Variants in UBR1 observed in about 807,000 individuals in gnomAD.
UBR1 encodes the protein ubiquitin protein ligase E3 component n-recognin 1, also known as E3 ubiquitin-protein ligase UBR1.
UBR1 carries 102 observed loss-of-function variants against 242.1 expected under a neutral mutation model. That is an observed-to-expected ratio of 0.42 (90% confidence interval 0.36 to 0.50). The LOEUF (loss-of-function observed/expected upper bound fraction) is 0.50. UBR1 is among the 20% of genes least tolerant of loss of function. The pLI is 0.01. For missense variants in UBR1, 1,772 were observed against 2,101.8 expected (o/e 0.84, Z 3.07); for synonymous variants, 675 against 684.8 (o/e 0.99, Z 0.22).
intron 1 of UBR1, 136 bp downstream of exon 1, chr15:43,105,806 G>T: frequency 1.3e-6 from 1 of 794,342 alleles, no homozygotes; most frequent in Non-Finnish European, 2.1e-6. Context: ...CTTTTTATTC[G>T]GTGGCTTCCT....
chr15:43,007,215 C>A lies in UBR1; in HGVS notation c.3279G>T (p.Lys1093Asn). Residue 1093 changes from lysine (K) to asparagine (N), a missense_variant, in exon 30 of 47, where the codon AAG (lysine) becomes AAT (asparagine). Around this residue, in one of 3 missense-constraint regions of UBR1, gnomAD observed 965 missense variants for 1,079.7 expected, o/e 0.89. Transcript: ENST00000290650. ...GPKRGPSVTEKEVLTCILCQE... is the reference protein window; with the variant it reads ...GPKRGPSVTENEVLTCILCQE... ...GGCAAAGGATGCACGTCAGCACCTC[C>A]TTTTCAGTAACAGATGGACCCCGTT... is the stretch of plus-strand genomic sequence containing the variant. 6.2e-7 allele frequency: 1 copy of A among 1,614,120 alleles called. No homozygotes were observed. Among genetic ancestry groups the A allele is most frequent in the South Asian group, 1.1e-5 (1 of 91,074 alleles).
Position 42,990,038 on chromosome 15 carries a change from A to G in UBR1, c.3840T>C (p.Val1280=), listed in dbSNP as rs372354876. Residue 1280 remains valine (V), a synonymous_variant, in exon 34 of 47, where the codon GTT becomes GTC. Coordinates refer to ENST00000290650, the MANE Select transcript of UBR1 (RefSeq NM_174916.3). The part of the protein sequence containing the change: ...LEFHSILSFG[V]ESSIKYSNSI... ...ACTATTTAGATACTTACGAAGACTC[A>G]ACGCCAAAACTCAGGATGGAATGGA... The G allele has an allele frequency of 6.2e-7, 1 of 1,608,294 alleles. No homozygotes were observed. The highest frequency in any genetic ancestry group is 8.5e-7 in the Non-Finnish European group (1 of 1,176,546).
rs757597878 is a variant in UBR1 at position 43,102,835 on chromosome 15, CTGTG to C, written c.81+3103_81+3106del. Among the ~76,000 whole-genome samples, 7 of 152,202 alleles carry C rather than the reference CTGTG, an allele frequency of 4.6e-5. No homozygotes were observed. In the East Asian group the frequency reaches 1.2e-3, roughly 25 times the overall value. The stretch of plus-strand genomic sequence containing the variant: ...CATCTCTGTCTCACTCTCTTTTCCT[CTGTG>C]TGTGTGTATATATATGCACACATTT... On this transcript the variant is annotated intron_variant, in intron 1 of 46. Coordinates refer to ENST00000290650, the MANE Select transcript of UBR1 (RefSeq NM_174916.3).
intron 33 of UBR1, among the ~76,000 whole-genome samples, chr15:42,991,605 GA>G (rs201277141): frequency 3.4e-5 from 5 of 148,376 alleles, no homozygotes; most frequent in South Asian, 2.1e-4. Flanking sequence ...ATGTCAGGTT[GA>G]AAAAAAAAAT....
chr15:42,997,215 C>T (rs998546911), intron 33 of UBR1, among the ~76,000 whole-genome samples: 1 of 152,190 alleles, frequency 6.6e-6, no homozygotes, highest in Non-Finnish European at 1.5e-5. Context: ...CTAGGTTGCC[C>T]ACTCCTTATG....
chr15:42,959,770 C>T (rs2031983641), intron 43 of UBR1, among the ~76,000 whole-genome samples: 1 of 152,190 alleles, frequency 6.6e-6, no homozygotes, highest in Non-Finnish European at 1.5e-5. Context: ...GATCTATTAT[C>T]ACTAAATCTC....
chr15:43,088,535 A>G (rs929558140), intron 1 of UBR1, among the ~76,000 whole-genome samples: 1 of 151,314 alleles, frequency 6.6e-6, no homozygotes, highest in Non-Finnish European at 1.5e-5. Flanking sequence ...CGCTCTTGTC[A>G]TCCAGGCTGG....
At position 43,048,434 on chromosome 15, in the gene UBR1, A is replaced by C. The variant is rs761714232; in HGVS notation, c.1497T>G (p.Leu499=). 1.9e-6 allele frequency: 3 copies of C among 1,613,802 alleles called. No homozygotes were observed. In the Admixed American group the frequency reaches 5.0e-5, roughly 27 times the overall value. The change falls in exon 13 of 47, where the codon CTT becomes CTG. Residue 499 remains leucine, a synonymous_variant. Transcript: ENST00000290650. ...TCTTCAAAAAAGATCGAAAACCTTCAAGGAACTGCATTCTTAATCTTTCTG... is the reference window on the plus strand; with the variant it reads ...TCTTCAAAAAAGATCGAAAACCTTCCAGGAACTGCATTCTTAATCTTTCTG... ...IWTERLRMQF[L]EGFRSFLKIL... is the part of the protein sequence containing the mutation.
At chr15:43,084,437 G>T (rs1052458410) in intron 2 of UBR1, among the ~76,000 whole-genome samples, 3 of 152,098 alleles carry the variant, frequency 2.0e-5, no homozygotes, top group Admixed American at 2.0e-4. Flanking sequence ...TAGCAACATG[G>T]TACACAAAAT....
chr15:43,087,522 T>C (rs1158229296), intron 1 of UBR1, among the ~76,000 whole-genome samples: 7 of 152,336 alleles, frequency 4.6e-5, no homozygotes, highest in African/African-American at 1.7e-4. Flanking sequence ...TTTGTACTAA[T>C]GAACCTCAAT....
At chr15:43,029,695 A>G (rs1425157519) in intron 21 of UBR1, among the ~76,000 whole-genome samples, 2 of 152,190 alleles carry the variant, frequency 1.3e-5, no homozygotes, top group African/African-American at 4.8e-5. Context: ...ACCCAGTTTC[A>G]GAAGTTCCCT....
Position 43,022,724 on chromosome 15 carries a change from A to G in UBR1, c.2817T>C (p.Phe939=). 6.2e-7 allele frequency: 1 copy of G among 1,611,986 alleles called. No homozygotes were observed. Among genetic ancestry groups the G allele is most frequent in the Non-Finnish European group, 8.5e-7 (1 of 1,178,654 alleles). ...TACTTGAAGCCTTATGATAAAAGTC[A>G]AATGTTACTTCTTCTTCAGGAGCTT... ...LQKAPEEEVT[F]DFYHKASRLG... Residue 939 remains phenylalanine, a synonymous_variant, in exon 26 of 47, where the codon TTT becomes TTC. Transcript: ENST00000290650.
At chr15:43,093,734 C>T (rs1024947572) in intron 1 of UBR1, among the ~76,000 whole-genome samples, 1 of 150,450 alleles carries the variant, frequency 6.6e-6, no homozygotes, top group African/African-American at 2.5e-5. Flanking sequence ...TGCAGCAAGC[C>T]CTGATCGCGC....
intron 29 of UBR1, chr15:43,011,875 A>C (rs1352976306): frequency 2.2e-6 from 1 of 445,660 alleles, no homozygotes; most frequent in Non-Finnish European, 4.5e-6. Context: ...CAGATGAATA[A>C]ACTATTATAT....
chr15:43,058,660 T>C (rs2033646526), intron 9 of UBR1, among the ~76,000 whole-genome samples: 1 of 152,228 alleles, frequency 6.6e-6, no homozygotes. Flanking sequence ...TACACTTCAA[T>C]TTACTCTCTC....
intron 1 of UBR1, among the ~76,000 whole-genome samples, chr15:43,097,023 G>A (rs751067294): frequency 6.6e-6 from 1 of 151,904 alleles, no homozygotes; most frequent in African/African-American, 2.4e-5. Context: ...ATCTATCAGA[G>A]GAATCGTAAT....
intron 26 of UBR1, among the ~76,000 whole-genome samples, chr15:43,021,580 A>G (rs1238658756): frequency 6.6e-6 from 1 of 152,214 alleles, no homozygotes; most frequent in Non-Finnish European, 1.5e-5. Context: ...AATGCCTAAT[A>G]CAATGTAAAT....
intron 33 of UBR1, among the ~76,000 whole-genome samples, chr15:42,992,965 A>G (rs761557877): frequency 6.6e-6 from 1 of 152,142 alleles, no homozygotes; most frequent in Admixed American, 6.5e-5. Context: ...TTCTCTTGAG[A>G]TTATGGGCAT....
intron 1 of UBR1, 75 bp downstream of exon 1, chr15:43,105,867 A>G: frequency 7.0e-7 from 1 of 1,423,830 alleles, no homozygotes; most frequent in Non-Finnish European, 9.9e-7. Context: ...ATAAGGGGTG[A>G]AGCCCCACAT....
Sources: allele counts gnomAD v4.1 joint callset (sites outside exome capture counted in the v4.1 genomes callset), GRCh38; gene constraint gnomAD v4.1.1; regional missense constraint gnomAD v4.1.1; transcripts MANE v1.5; gene names NCBI Gene and HGNC (gene_info 2026-07-23, HGNC 2026-07-21).